DCAF1: variants seen among roughly 807,000 people sequenced by gnomAD.
The protein encoded by DCAF1 is DDB1- and CUL4-associated factor 1.
In DCAF1, 15 loss-of-function variants were observed where a neutral mutation model predicts 128.0. The ratio of observed to expected loss-of-function variants is 0.12; its 90% CI spans 0.08 to 0.18. The LOEUF (loss-of-function observed/expected upper bound fraction) is 0.18, where lower values mean the gene tolerates loss of function less well. Among genes scored for constraint, DCAF1 ranks in the 10% least tolerant of loss-of-function variants. The probability of loss-of-function intolerance (pLI) is 1.00; values close to 1 mark genes in which losing one functional copy is unlikely to be tolerated. For missense variants in DCAF1, 988 were observed against 1,649.5 expected, an observed-to-expected ratio of 0.60 and a Z score of 6.95; for synonymous variants, 610 against 603.0, an observed-to-expected ratio of 1.01 and a Z score of -0.17.
chr3:51,489,959 A>G (rs1707443940), intron 2 of DCAF1, among the ~76,000 whole-genome samples: 1 of 152,154 alleles, frequency 6.6e-6, no homozygotes, highest in Admixed American at 6.6e-5. Flanking sequence ...AAAAATTATT[A>G]GAATAAATGA....
intron 24 of DCAF1, among the ~76,000 whole-genome samples, chr3:51,401,925 G>A (rs2089730933): frequency 1.3e-5 from 2 of 152,154 alleles, no homozygotes; most frequent in Non-Finnish European, 2.9e-5. Flanking sequence ...AACAGAAGTT[G>A]ATGAACAGCA....
intron 18 of DCAF1, 125 bp from the exon 19 acceptor site, chr3:51,414,982 C>T (rs1698749539): frequency 7.3e-7 from 1 of 1,373,028 alleles, no homozygotes; most frequent in African/African-American, 1.4e-5. Context: ...TCAATGATTA[C>T]CACAGAATAC....
At chr3:51,419,133 G>C (rs1009646184) in intron 15 of DCAF1, among the ~76,000 whole-genome samples, 12 of 152,122 alleles carry the variant, frequency 7.9e-5, no homozygotes, top group Non-Finnish European at 1.2e-4. Flanking sequence ...GGCCGAAGGG[G>C]GGGTATCAAT....
intron 12 of DCAF1, 120 bp downstream of exon 12, chr3:51,429,141 G>T (rs1700159710): frequency 1.5e-6 from 1 of 651,600 alleles, no homozygotes; most frequent in Non-Finnish European, 2.9e-6. Flanking sequence ...CTTCATACAG[G>T]GAAGTATACT....
Position 51,399,581 on chromosome 3 carries a change from G to A in DCAF1, c.4466-754C>T, listed in dbSNP as rs529744806. Among the ~76,000 whole-genome samples, 4 of 152,218 alleles carry A rather than the reference G, an allele frequency of 2.6e-5. No individual in the cohort carries two copies. In the South Asian group the frequency reaches 8.3e-4, roughly 32 times the overall value. Reference sequence around the variant, plus strand: ...GCACACGGACACATTAACACTTCTGGAAGGATCTGTTAAGGGGTGAAACTT... The same window carrying A: ...GCACACGGACACATTAACACTTCTGAAAGGATCTGTTAAGGGGTGAAACTT... On this transcript the variant is annotated intron_variant, in intron 24 of 24. Transcript: ENST00000684031.
At chr3:51,494,200 C>T (rs1363751068) in intron 2 of DCAF1, among the ~76,000 whole-genome samples, 1 of 149,754 alleles carries the variant, frequency 6.7e-6, no homozygotes, top group Non-Finnish European at 1.5e-5. Flanking sequence ...CTGCAAGCTC[C>T]GCCTCCCGGG....
chr3:51,423,540 G>A (rs1553633201), intron 13 of DCAF1, among the ~76,000 whole-genome samples: 3 of 151,086 alleles, frequency 2.0e-5, no homozygotes, highest in African/African-American at 4.9e-5. Flanking sequence ...GACTCAGGCC[G>A]GGTGCAGTGG....
At chr3:51,460,414 T>C (rs376184355) in intron 6 of DCAF1, among the ~76,000 whole-genome samples, 3 of 152,064 alleles carry the variant, frequency 2.0e-5, no homozygotes, top group East Asian at 1.9e-4. Flanking sequence ...TAAAAGAGGA[T>C]ACAAACAAAT....
rs535686116 is a variant in DCAF1, at chr3:51,448,545, G to A, written c.376-4642C>T. On this transcript the variant is annotated intron_variant, in intron 6 of 24. Coordinates refer to ENST00000684031, the MANE Select transcript of DCAF1 (RefSeq NM_001387579.1). ...CTCATTCACTAAGTTTTTAAATTCCGTAACTATAATTTTTGTTTTTTCATA... is the reference window on the plus strand; with the variant it reads ...CTCATTCACTAAGTTTTTAAATTCCATAACTATAATTTTTGTTTTTTCATA... Among the ~76,000 whole-genome samples the A allele has an allele frequency of 1.1e-4, 16 of 152,180 alleles. No individual in the cohort carries two copies. In the South Asian group the frequency reaches 3.1e-3, roughly 30 times the overall value.
At chr3:51,414,506 A>G in intron 19 of DCAF1, 118 bp downstream of exon 19, 1 of 1,393,604 alleles carries the variant, frequency 7.2e-7, no homozygotes, top group Non-Finnish European at 9.6e-7. Flanking sequence ...AAGGACAGGC[A>G]CCATATTATT....
chr3:51,420,036 C>T lies in DCAF1; in HGVS notation c.2934G>A (p.Lys978=), dbSNP rs1337814784. 7 of 1,613,922 alleles carry T rather than the reference C, an allele frequency of 4.3e-6. No homozygotes were observed. The East Asian group carries it at 1.6e-4, about 36-fold the overall frequency. Residue 978 remains lysine, a synonymous_variant, in exon 15 of 25, where the codon AAG becomes AAA. Transcript: ENST00000684031. The surrounding 1 kb of genome is among the most constrained non-coding windows in gnomAD (Gnocchi z 6.5). ...TTTGGCTGTAGGCACCATGGTCCGA[C>T]TTCTGCCGCAACACTCTGATTTTCC... ...NGRKIRVLRQ[K]SDHGAYSQSP...
At chr3:51,504,036 ATTT>A (rs559346586), upstream of DCAF1, among the ~76,000 whole-genome samples, 8 of 130,236 alleles carry the variant, frequency 6.1e-5, no homozygotes, top group African/African-American at 2.8e-5. Context: ...GCCCCTGAAC[ATTT>A]TTTTTTTTTT....
chr3:51,402,988 G>C (rs113383899), intron 24 of DCAF1, among the ~76,000 whole-genome samples, 155 bp downstream of exon 24: 2 of 152,208 alleles, frequency 1.3e-5, no homozygotes, highest in African/African-American at 2.4e-5. Context: ...GGAGGGCAGA[G>C]ATGCAAAGGT....
rs782035183 is a variant in DCAF1 at position 51,441,025 on chromosome 3, A to G, written c.1073T>C (p.Phe358Ser). 23 of 1,613,076 alleles carry G rather than the reference A, an allele frequency of 1.4e-5. No homozygotes were observed. In the Admixed American group the frequency reaches 3.7e-4, roughly 26 times the overall value. ...ATTAGTTTGCTTCAGGTCAATATAGAACATCATCAGCTCCCGTGATCCAAG... is the reference window on the plus strand; with the variant it reads ...ATTAGTTTGCTTCAGGTCAATATAGGACATCATCAGCTCCCGTGATCCAAG... Reference protein sequence around the residue: ...MQLGSRELMMFYIDLKQTNDV... With the variant: ...MQLGSRELMMSYIDLKQTNDV... Residue 358 changes from phenylalanine (F) to serine (S), a missense_variant, in exon 9 of 25, where the codon TTC (phenylalanine) becomes TCC (serine). Transcript: ENST00000684031.
chr3:51,450,966 T>C (rs1191282601), intron 6 of DCAF1, among the ~76,000 whole-genome samples: 1 of 149,756 alleles, frequency 6.7e-6, no homozygotes, highest in Non-Finnish European at 1.5e-5. Context: ...AAAAAACCTG[T>C]CAGTGAAGTA....
At chr3:51,499,742 C>G (rs1407148689) in intron 1 of DCAF1, 131 bp downstream of exon 1, 5 of 151,872 alleles carry the variant, frequency 3.3e-5, no homozygotes, top group African/African-American at 9.7e-5. Flanking sequence ...GGCCCGCCCC[C>G]TCCTCGCCGG....
At chr3:51,413,907 T>C (rs782788791) in intron 20 of DCAF1, 43 bp downstream of exon 20, 11 of 1,425,008 alleles carry the variant, frequency 7.7e-6, no homozygotes, top group Non-Finnish European at 1.0e-5. Context: ...AGTGAAGGGG[T>C]AGAGCAAAAG....
In DCAF1 at chr3:51,406,016, AGAGT is replaced by A. The variant is rs782100637; in HGVS notation, c.4213-2625_4213-2622del. Among the ~76,000 whole-genome samples the A allele has an allele frequency of 4.2e-4, 64 of 152,184 alleles. No individual in the cohort carries two copies. The Middle Eastern group carries it at 0.01, about 24-fold the overall frequency. On this transcript the variant is annotated intron_variant, in intron 23 of 24. Coordinates refer to ENST00000684031, the MANE Select transcript of DCAF1 (RefSeq NM_001387579.1). ...GCCACTGCACTCCAGCCTGGGCAAC[AGAGT>A]GAGATCCCATTTCTTTGAAAACAAA...
At chr3:51,496,810 G>A (rs1553661133) in intron 1 of DCAF1, among the ~76,000 whole-genome samples, 30 bp from the exon 2 acceptor site, 1 of 152,054 alleles carries the variant, frequency 6.6e-6, no homozygotes, top group African/African-American at 2.4e-5. Flanking sequence ...GTTGTGCGGG[G>A]TTAAATGACA....
Sources: gnomAD v4.1 joint callset for allele counts (sites outside exome capture counted in the v4.1 genomes callset) on GRCh38, gnomAD v4.1.1 for gene constraint, Gnocchi (gnomAD v3.1) non-coding constraint, MANE v1.5 for transcripts, NCBI Gene and HGNC (gene_info 2026-07-23, HGNC 2026-07-21) for gene names.